ATP11A: variants seen among roughly 807,000 people sequenced by gnomAD.
ATP11A encodes ATPase phospholipid transporting 11A, also known as phospholipid-transporting ATPase IH.
In ATP11A, 81 loss-of-function variants were observed where a neutral mutation model predicts 154.4. The observed-to-expected ratio is 0.52, with a 90% CI of 0.44 to 0.63. The LOEUF is 0.63. Ranked by LOEUF, ATP11A falls within the 30% of genes least tolerant of loss-of-function variation. The pLI is 0.00. For missense variants in ATP11A, 1,316 were observed against 1,474.3 expected, an observed-to-expected ratio of 0.89 and a Z score of 1.76; for synonymous variants, 623 against 585.9, an observed-to-expected ratio of 1.06 and a Z score of -0.91.
chr13:112,794,727 G>A (rs746226254), intron 2 of ATP11A, among the ~76,000 whole-genome samples: 5 of 152,132 alleles, frequency 3.3e-5, no homozygotes, highest in Non-Finnish European at 4.4e-5. Context: ...AATTAACTGC[G>A]TGTGGTGGCG....
chr13:112,876,253 A>C (rs938725901), intron 28 of ATP11A, among the ~76,000 whole-genome samples: 1 of 152,172 alleles, frequency 6.6e-6, no homozygotes, highest in African/African-American at 2.4e-5. Flanking sequence ...CATTACTTTA[A>C]AAGGTTGAAT....
At chr13:112,739,941 G>T (rs1891361456) in intron 1 of ATP11A, among the ~76,000 whole-genome samples, 1 of 151,110 alleles carries the variant, frequency 6.6e-6, no homozygotes, top group Non-Finnish European at 1.5e-5. Flanking sequence ...TGTAGGGACA[G>T]AAAGTAGATT....
chr13:112,743,228 C>T (rs1042714357), intron 1 of ATP11A, among the ~76,000 whole-genome samples: 3 of 151,966 alleles, frequency 2.0e-5, no homozygotes, highest in Admixed American at 1.3e-4. Flanking sequence ...TTTTCACCAT[C>T]GTGAAAAAAA....
intron 27 of ATP11A, among the ~76,000 whole-genome samples, chr13:112,874,713 T>C (rs907060133): frequency 3.3e-5 from 5 of 152,114 alleles, no homozygotes; most frequent in African/African-American, 1.2e-4. Flanking sequence ...CAAGTTGCAT[T>C]ACACAGTCTC....
chr13:112,708,516 T>C (rs1887402180), intron 1 of ATP11A, among the ~76,000 whole-genome samples: 1 of 152,250 alleles, frequency 6.6e-6, no homozygotes, highest in African/African-American at 2.4e-5. Flanking sequence ...TGTCAGGTAA[T>C]CTTCGCAGTT....
chr13:112,771,269 A>T (rs2139945693), intron 1 of ATP11A, among the ~76,000 whole-genome samples: 1 of 152,282 alleles, frequency 6.6e-6, no homozygotes, highest in Non-Finnish European at 1.5e-5. Flanking sequence ...TTCTGATTGA[A>T]CTTCGAATGC....
intron 25 of ATP11A, among the ~76,000 whole-genome samples, chr13:112,868,022 C>G (rs1432953735): frequency 1.3e-5 from 2 of 152,234 alleles, no homozygotes; most frequent in Non-Finnish European, 2.9e-5. Context: ...TTATGGACAT[C>G]TCTTTCAAAA....
chr13:112,853,700 G>T (rs2079842589), intron 18 of ATP11A, among the ~76,000 whole-genome samples: 1 of 152,224 alleles, frequency 6.6e-6, no homozygotes, highest in African/African-American at 2.4e-5. Context: ...AAGCATGAAA[G>T]ATTGCACATA....
At chr13:112,781,873 C>A (rs2077509908) in intron 1 of ATP11A, among the ~76,000 whole-genome samples, 1 of 149,654 alleles carries the variant, frequency 6.7e-6, no homozygotes, top group African/African-American at 2.4e-5. Context: ...CCTGAAGAGA[C>A]ATGTATGTTT....
intron 6 of ATP11A, 73 bp downstream of exon 6, chr13:112,816,284 A>G (rs2140183828): frequency 6.3e-7 from 1 of 1,588,926 alleles, no homozygotes. Context: ...ATGCGGCCAC[A>G]GAAACTAACA....
At chr13:112,726,997 T>C (rs1439574460) in intron 1 of ATP11A, among the ~76,000 whole-genome samples, 1 of 152,258 alleles carries the variant, frequency 6.6e-6, no homozygotes, top group South Asian at 2.1e-4. Context: ...TGCGAATTTC[T>C]TACTATAACT....
chr13:112,722,556 A>C (rs2139642254), intron 1 of ATP11A, among the ~76,000 whole-genome samples: 1 of 152,148 alleles, frequency 6.6e-6, no homozygotes, highest in East Asian at 1.9e-4. Context: ...TTCCAAAAGG[A>C]AGGAGGGGGT....
intron 25 of ATP11A, among the ~76,000 whole-genome samples, chr13:112,870,642 G>A (rs1005317142): frequency 6.6e-6 from 1 of 152,202 alleles, no homozygotes; most frequent in African/African-American, 2.4e-5. Context: ...CTCCCAAAGC[G>A]CTGGGATTAC....
rs200377899 is a variant in ATP11A, at chr13:112,856,088, G to A, written c.2418+3G>A. 5.3e-4 allele frequency: 847 copies of A among 1,610,088 alleles called. 4 individuals are homozygous for A. The Middle Eastern group carries it at 0.012, about 22-fold the overall frequency. On this transcript the variant is annotated splice_donor_region_variant and intron_variant, in intron 20 of 29. Transcript: ENST00000375645. ...TGGCGCCCTTGCAGAAGGCTCAGGTGCTGCCCGCCCGTCCTCGATAGCTGG... is the reference window on the plus strand; with the variant it reads ...TGGCGCCCTTGCAGAAGGCTCAGGTACTGCCCGCCCGTCCTCGATAGCTGG...
chr13:112,738,540 A>G (rs1435031049), intron 1 of ATP11A, among the ~76,000 whole-genome samples: 1 of 152,178 alleles, frequency 6.6e-6, no homozygotes, highest in South Asian at 2.1e-4. Context: ...TCTTCTCACC[A>G]GAGCAGTGCC....
chr13:112,867,093 ACT>A (rs2085300601), intron 25 of ATP11A, among the ~76,000 whole-genome samples: 1 of 152,146 alleles, frequency 6.6e-6, no homozygotes, highest in Non-Finnish European at 1.5e-5. Context: ...TGTCCTGAGC[ACT>A]GAGATTCCAG....
chr13:112,724,404 C>G (rs1889583831), intron 1 of ATP11A, among the ~76,000 whole-genome samples: 1 of 151,986 alleles, frequency 6.6e-6, no homozygotes, highest in Non-Finnish European at 1.5e-5. Flanking sequence ...CTCAGGAGGT[C>G]ACTGTGCTGA....
At chr13:112,740,852 G>C (rs1891472232) in intron 1 of ATP11A, among the ~76,000 whole-genome samples, 1 of 152,218 alleles carries the variant, frequency 6.6e-6, no homozygotes, top group South Asian at 2.1e-4. Flanking sequence ...CGCCATCAGG[G>C]TCCCGGGTCG....
intron 25 of ATP11A, among the ~76,000 whole-genome samples, chr13:112,864,783 C>A (rs2080262609): frequency 1.3e-5 from 1 of 77,480 alleles, no homozygotes; most frequent in Non-Finnish European, 2.4e-5. Context: ...GCGGCCCATG[C>A]AGCTTCTCAG....
Sources: allele counts gnomAD v4.1 joint callset (sites outside exome capture counted in the v4.1 genomes callset), GRCh38; gene constraint gnomAD v4.1.1; transcripts MANE v1.5; gene names NCBI Gene and HGNC (gene_info 2026-07-23, HGNC 2026-07-21).